OPHN1: variants seen among roughly 807,000 people sequenced by gnomAD.
The protein encoded by OPHN1 is oligophrenin-1.
In OPHN1, 11 loss-of-function variants were observed where a neutral mutation model predicts 60.7. The ratio of observed to expected loss-of-function variants is 0.18; its 90% confidence interval spans 0.11 to 0.30. The LOEUF is 0.30. OPHN1 is among the 10% of genes least tolerant of loss of function. The pLI is 1.00. For missense variants in OPHN1, 449 were observed against 611.0 expected, an observed-to-expected ratio of 0.73 and a Z score of 2.80; for synonymous variants, 226 against 222.6, an observed-to-expected ratio of 1.02 and a Z score of -0.14.
chrX:68,398,960 AGT>A (rs113103699), intron 2 of OPHN1, among the ~76,000 whole-genome samples: 3,678 of 95,059 alleles, frequency 0.039, 63 homozygotes, highest in East Asian at 0.067. Context: ...AAACAAAAAA[AGT>A]GTGTGTGTGT....
chrX:68,371,273 A>T (rs1334897104), intron 2 of OPHN1, among the ~76,000 whole-genome samples: 1 of 104,847 alleles, frequency 9.5e-6, no homozygotes, highest in African/African-American at 3.6e-5. Flanking sequence ...GCTGGAGTGC[A>T]GTGGCGTTAT....
intron 2 of OPHN1, among the ~76,000 whole-genome samples, chrX:68,339,802 C>T (rs2147689347): frequency 9.0e-6 from 1 of 110,854 alleles, no homozygotes; most frequent in South Asian, 3.9e-4. Context: ...AGGGTTTCTC[C>T]ATGTTGGCCA....
chrX:68,103,320 T>C (rs1389591874), intron 18 of OPHN1, among the ~76,000 whole-genome samples: 1 of 111,895 alleles, frequency 8.9e-6, no homozygotes, highest in Non-Finnish European at 1.9e-5. Context: ...TTTGATAAAT[T>C]TGAAAATCAC....
At chrX:68,109,633 AT>A (rs777708634) in intron 18 of OPHN1, among the ~76,000 whole-genome samples, 3 of 111,201 alleles carry the variant, frequency 2.7e-5, no homozygotes, top group Admixed American at 9.6e-5. Context: ...CATTTGACAA[AT>A]TTTTTTAAAT....
intron 2 of OPHN1, among the ~76,000 whole-genome samples, chrX:68,420,778 C>T (rs1284545575): frequency 9.5e-6 from 1 of 105,508 alleles, no homozygotes; most frequent in African/African-American, 3.5e-5. Flanking sequence ...AACGTGCATT[C>T]TTGGCAAGAT....
intron 2 of OPHN1, among the ~76,000 whole-genome samples, chrX:68,411,071 C>T (rs761408474): frequency 5.4e-5 from 6 of 111,730 alleles, no homozygotes; most frequent in Non-Finnish European, 9.4e-5. Context: ...AAAAGGCATA[C>T]AATTTATTAA....
chrX:68,047,559 G>A (rs913599679), intron 24 of OPHN1, among the ~76,000 whole-genome samples: 2 of 111,409 alleles, frequency 1.8e-5, no homozygotes, highest in African/African-American at 3.3e-5. Flanking sequence ...ATCTACCCAC[G>A]GACCTCTGAG....
chrX:68,282,095 T>C (rs1286003083), intron 4 of OPHN1, among the ~76,000 whole-genome samples: 2 of 112,160 alleles, frequency 1.8e-5, no homozygotes, highest in Non-Finnish European at 3.8e-5. Flanking sequence ...ACCAAATCAG[T>C]TGGAAATTTG....
At chrX:68,300,648 AAAC>A (rs1407902531) in intron 2 of OPHN1, among the ~76,000 whole-genome samples, 1 of 112,502 alleles carries the variant, frequency 8.9e-6, no homozygotes, top group Non-Finnish European at 1.9e-5. Flanking sequence ...CATGTCTGGA[AAAC>A]AATTTATTTT....
chrX:68,320,864 C>T (rs1012649559), intron 2 of OPHN1, among the ~76,000 whole-genome samples: 1 of 111,348 alleles, frequency 9.0e-6, no homozygotes, highest in Admixed American at 9.6e-5. Flanking sequence ...GATAGAGCGG[C>T]TCACCAAACT....
At chrX:68,260,174 C>T (rs2077886193) in intron 5 of OPHN1, among the ~76,000 whole-genome samples, 1 of 109,312 alleles carries the variant, frequency 9.1e-6, no homozygotes, top group South Asian at 4.0e-4. Flanking sequence ...CACCCCGACT[C>T]TTGGAGGTAA....
At chrX:68,357,248 CTTTTG>C (rs1317740444) in intron 2 of OPHN1, among the ~76,000 whole-genome samples, 2 of 111,421 alleles carry the variant, frequency 1.8e-5, no homozygotes, top group African/African-American at 3.3e-5. Context: ...TTTGCTTTTG[CTTTTG>C]TTTTGTTTTT....
At chrX:68,131,661 A>T (rs1331647440) in intron 15 of OPHN1, among the ~76,000 whole-genome samples, 2 of 112,588 alleles carry the variant, frequency 1.8e-5, no homozygotes, top group Non-Finnish European at 3.7e-5. Context: ...AAGAAACTTT[A>T]ACACATCATT....
At chrX:68,143,465 T>G (rs1313237014) in intron 15 of OPHN1, among the ~76,000 whole-genome samples, 2 of 110,839 alleles carry the variant, frequency 1.8e-5, no homozygotes, top group Admixed American at 9.6e-5. Context: ...GGGAAACGGG[T>G]ACCTTGGTGA....
At chrX:68,383,013 A>C (rs1266473611) in intron 2 of OPHN1, among the ~76,000 whole-genome samples, 2 of 111,117 alleles carry the variant, frequency 1.8e-5, no homozygotes, top group East Asian at 5.7e-4. Context: ...CATACTAAGG[A>C]TGGAGCTAAC....
At chrX:68,392,483 A>G (rs1412610817) in intron 2 of OPHN1, among the ~76,000 whole-genome samples, 1 of 110,198 alleles carries the variant, frequency 9.1e-6, no homozygotes, top group Admixed American at 9.8e-5. Context: ...CTATGATTGC[A>G]CCACTGTGAT....
intron 18 of OPHN1, among the ~76,000 whole-genome samples, chrX:68,106,516 A>ATT (rs753067137): frequency 8.9e-4 from 99 of 111,845 alleles, no homozygotes; most frequent in African/African-American, 3.0e-3. Context: ...GCCTGCTGAT[A>ATT]AATAGCTATA....
intron 2 of OPHN1, among the ~76,000 whole-genome samples, chrX:68,335,007 C>T (rs2078315063): frequency 9.1e-6 from 1 of 109,403 alleles, no homozygotes; most frequent in African/African-American, 3.3e-5. Context: ...ATTAATAGTT[C>T]CTGTCCCAGA....
At chrX:68,291,443 G>A (rs1289031488) in intron 3 of OPHN1, among the ~76,000 whole-genome samples, 1 of 111,538 alleles carries the variant, frequency 9.0e-6, no homozygotes, top group Admixed American at 9.5e-5. Flanking sequence ...GAAGGGAAAT[G>A]GGCAAAAAGG....
Sources: gnomAD v4.1 joint callset for allele counts (sites outside exome capture counted in the v4.1 genomes callset) on GRCh38, gnomAD v4.1.1 for gene constraint, MANE v1.5 for transcripts, NCBI Gene and HGNC (gene_info 2026-07-23, HGNC 2026-07-21) for gene names.